The following TCF7L1 variants were observed in gnomAD, a reference collection of about 807,000 sequenced individuals.
The protein encoded by TCF7L1 is transcription factor 7 like 1.
Under a neutral mutation model 63.7 loss-of-function variants are expected in TCF7L1, and 18 were observed. The ratio of observed to expected loss-of-function variants is 0.28; its 90% CI spans 0.20 to 0.42. TCF7L1 has a LOEUF of 0.42. Ranked by LOEUF, TCF7L1 falls within the 10% of genes least tolerant of loss-of-function variation. TCF7L1 has a pLI of 1.00. For synonymous variants in TCF7L1, 355 were observed against 340.9 expected (o/e 1.04, Z -0.46); for missense variants, 654 against 779.3 (o/e 0.84, Z 1.91).
intron 3 of TCF7L1, among the ~76,000 whole-genome samples, chr2:85,244,748 C>A (rs1680419765): frequency 6.6e-6 from 1 of 152,060 alleles, no homozygotes; most frequent in African/African-American, 2.4e-5. Flanking sequence ...TAGTCATCAG[C>A]ATGTTGATGG....
intron 4 of TCF7L1, among the ~76,000 whole-genome samples, chr2:85,289,577 A>G (rs1229669409): frequency 6.6e-6 from 1 of 152,194 alleles, no homozygotes; most frequent in East Asian, 1.9e-4. Context: ...GGTTAGTGCA[A>G]AGGCAGAAAT....
In TCF7L1 at chr2:85,268,471, CTTT is replaced by C. The variant is rs554305734; in HGVS notation, c.442-15007_442-15005del. On this transcript the variant is annotated intron_variant, in intron 3 of 11. Coordinates refer to ENST00000282111, the MANE Select transcript of TCF7L1 (RefSeq NM_031283.3). ...CCAAAGGGCGAATAAGATTGGATGC[CTTT>C]TTTTTTTTTTTTTTTTGAGACGGAG... Among the ~76,000 whole-genome samples the C allele has an allele frequency of 7.6e-4, 102 of 134,790 alleles. 1 individual carries two copies. Among genetic ancestry groups the C allele is most frequent in the African/African-American group, 2.4e-3 (89 of 37,234 alleles). The allele number at this position is 134,790 out of a possible 152,430, so 88.4% of individuals were successfully genotyped here.
intron 3 of TCF7L1, among the ~76,000 whole-genome samples, chr2:85,160,904 A>G (rs539161505): frequency 2.0e-4 from 30 of 150,718 alleles, no homozygotes; most frequent in African/African-American, 6.7e-4. Flanking sequence ...ATCATTTGCA[A>G]TCATCAATGA....
At chr2:85,256,452 G>A (rs1310559864) in intron 3 of TCF7L1, among the ~76,000 whole-genome samples, 1 of 152,222 alleles carries the variant, frequency 6.6e-6, no homozygotes, top group Non-Finnish European at 1.5e-5. Context: ...CCCTAAACCT[G>A]TTGGGTCAGG....
At chr2:85,222,668 T>TAAAAA (rs1679872593) in intron 3 of TCF7L1, among the ~76,000 whole-genome samples, 1 of 43,690 alleles carries the variant, frequency 2.3e-5, no homozygotes, top group African/African-American at 4.0e-4. Flanking sequence ...AGACCCCATC[T>TAAAAA]CAAAAAAAAA....
intron 3 of TCF7L1, among the ~76,000 whole-genome samples, chr2:85,255,880 G>T (rs2043229): frequency 6.6e-6 from 1 of 151,942 alleles, no homozygotes. Flanking sequence ...GTCACTGTGC[G>T]GTGATTGACT....
chr2:85,259,782 T>G (rs1031074391), intron 3 of TCF7L1, among the ~76,000 whole-genome samples: 1 of 152,110 alleles, frequency 6.6e-6, no homozygotes, highest in Non-Finnish European at 1.5e-5. Context: ...TTCTGAACAA[T>G]GAACAAAGAA....
At chr2:85,308,421 C>T (rs1233457564) in intron 11 of TCF7L1, among the ~76,000 whole-genome samples, 5 of 138,318 alleles carry the variant, frequency 3.6e-5, no homozygotes, top group African/African-American at 1.4e-4. Context: ...TTCCCCTTCC[C>T]TCCCTCCTTT....
chr2:85,152,437 C>CTTT (rs36116388), intron 3 of TCF7L1, among the ~76,000 whole-genome samples: 10 of 131,910 alleles, frequency 7.6e-5, no homozygotes, highest in Admixed American at 8.1e-5. Context: ...CTCTCTCTCT[C>CTTT]TTTTTTTTTT....
At chr2:85,194,862 G>A (rs914644934) in intron 3 of TCF7L1, among the ~76,000 whole-genome samples, 1 of 152,204 alleles carries the variant, frequency 6.6e-6, no homozygotes, top group Non-Finnish European at 1.5e-5. Flanking sequence ...CAGGCACACT[G>A]GTTCAAGTTT....
chr2:85,170,921 T>A (rs967927431), intron 3 of TCF7L1, among the ~76,000 whole-genome samples: 3 of 152,204 alleles, frequency 2.0e-5, no homozygotes, highest in African/African-American at 7.2e-5. Flanking sequence ...TATCTTGAAA[T>A]TAGTTCTGTA....
intron 3 of TCF7L1, among the ~76,000 whole-genome samples, chr2:85,208,482 C>T (rs570371987): frequency 3.3e-5 from 5 of 152,164 alleles, no homozygotes; most frequent in South Asian, 4.2e-4. Context: ...TGTTGTTGTC[C>T]GTGTGTGTCA....
intron 3 of TCF7L1, among the ~76,000 whole-genome samples, chr2:85,230,650 A>G (rs1398078120): frequency 6.6e-6 from 1 of 152,152 alleles, no homozygotes; most frequent in Admixed American, 6.5e-5. Flanking sequence ...AACATCTTAA[A>G]GCTACATCAT....
At chr2:85,136,119 T>C (rs1397964460) in intron 3 of TCF7L1, among the ~76,000 whole-genome samples, 2 of 152,158 alleles carry the variant, frequency 1.3e-5, no homozygotes, top group Non-Finnish European at 2.9e-5. Flanking sequence ...GAGAGGGGTC[T>C]GGGAGGCACT....
chr2:85,163,852 GA>G (rs1248470990), intron 3 of TCF7L1, among the ~76,000 whole-genome samples: 1 of 152,108 alleles, frequency 6.6e-6, no homozygotes, highest in Non-Finnish European at 1.5e-5. Flanking sequence ...TTTTTATAAG[GA>G]TAGCAGTCCA....
intron 3 of TCF7L1, among the ~76,000 whole-genome samples, chr2:85,233,401 C>T (rs1372383991): frequency 6.0e-5 from 9 of 150,774 alleles, no homozygotes; most frequent in African/African-American, 2.2e-4. Flanking sequence ...CTGCAACCTC[C>T]GATTCTCTGG....
chr2:85,250,498 G>A lies in TCF7L1; in HGVS notation c.442-32997G>A, dbSNP rs543167015. On this transcript the variant is annotated intron_variant, in intron 3 of 11. Transcript: ENST00000282111. The stretch of plus-strand genomic sequence containing the variant: ...GTCGCCCAGGCTGGAGTGCAGTGGT[G>A]CTATCTCGGCTCACTGCAACCTCCA... Among the ~76,000 whole-genome samples the A allele has an allele frequency of 8.2e-4, 125 of 151,992 alleles. 3 individuals are homozygous for A. The South Asian group carries it at 0.025, about 30-fold the overall frequency.
intron 3 of TCF7L1, among the ~76,000 whole-genome samples, chr2:85,184,704 T>C (rs1052831052): frequency 6.6e-6 from 1 of 151,876 alleles, no homozygotes; most frequent in African/African-American, 2.4e-5. Context: ...GGACCCTCTC[T>C]CAGGGGATGC....
intron 3 of TCF7L1, among the ~76,000 whole-genome samples, chr2:85,244,928 C>T (rs1039694436): frequency 2.0e-5 from 3 of 152,004 alleles, no homozygotes; most frequent in Non-Finnish European, 2.9e-5. Context: ...ACCTGGTGGG[C>T]GCCGCATTCC....
Sources: allele counts gnomAD v4.1 joint callset (sites outside exome capture counted in the v4.1 genomes callset), GRCh38; gene constraint gnomAD v4.1.1; transcripts MANE v1.5; gene names NCBI Gene and HGNC (gene_info 2026-07-23, HGNC 2026-07-21).